The following OPCML variants were observed in gnomAD, a reference collection of about 807,000 sequenced individuals.
OPCML encodes opioid-binding protein/cell adhesion molecule.
Under a neutral mutation model 37.8 loss-of-function variants are expected in OPCML, and 13 were observed. The ratio of observed to expected loss-of-function variants is 0.34; its 90% confidence interval spans 0.22 to 0.55. OPCML has a LOEUF of 0.55. Among genes scored for constraint, OPCML ranks in the 20% least tolerant of loss-of-function variants. OPCML has a pLI of 0.91. For missense variants in OPCML, 341 were observed against 435.6 expected (o/e 0.78, Z 1.93); for synonymous variants, 176 against 168.8 (o/e 1.04, Z -0.33).
At chr11:132,655,324 A>G (rs1326114815) in intron 3 of OPCML, among the ~76,000 whole-genome samples, 1 of 152,222 alleles carries the variant, frequency 6.6e-6, no homozygotes, top group Non-Finnish European at 1.5e-5. Flanking sequence ...GCCCAGGTGC[A>G]GGCAGGTGGG....
In OPCML at chr11:132,832,728, C is replaced by G. The variant is rs148644078; in HGVS notation, c.146+110198G>C. Reference sequence around the variant, plus strand: ...AGATTCCATCTTTTTGTAGGCTCAACAGAGTGTACATACACACACTAAATG... The same window carrying G: ...AGATTCCATCTTTTTGTAGGCTCAAGAGAGTGTACATACACACACTAAATG... On this transcript the variant is annotated intron_variant, in intron 2 of 7. Transcript: ENST00000524381. 4.2e-4 allele frequency among the ~76,000 whole-genome samples: 64 copies of G among 152,290 alleles called. No homozygotes were observed. The East Asian group carries it at 0.012, about 28-fold the overall frequency.
intron 1 of OPCML, among the ~76,000 whole-genome samples, chr11:133,429,443 G>A (rs1380730987): frequency 9.2e-5 from 14 of 152,164 alleles, no homozygotes; most frequent in African/African-American, 1.4e-4. Flanking sequence ...CCATTGGAAG[G>A]CACGGGACAG....
intron 2 of OPCML, among the ~76,000 whole-genome samples, chr11:132,922,655 G>A (rs567034822): frequency 1.3e-5 from 2 of 152,262 alleles, no homozygotes; most frequent in African/African-American, 4.8e-5. Flanking sequence ...TAAACAGCTT[G>A]AGTGGAGTTT....
intron 2 of OPCML, among the ~76,000 whole-genome samples, chr11:132,701,549 AG>A (rs1454759925): frequency 1.3e-5 from 2 of 152,148 alleles, no homozygotes; most frequent in African/African-American, 4.8e-5. Context: ...ATCTAAAGTG[AG>A]GTCCTTGTTG....
In OPCML at chr11:133,078,324, C is replaced by G. The variant is rs193057366; in HGVS notation, c.62-135314G>C. ...CCAACACAGTATCACCTACATTGCTCCATTAAAACAGCTGAACATCTACAC... is the reference window on the plus strand; with the variant it reads ...CCAACACAGTATCACCTACATTGCTGCATTAAAACAGCTGAACATCTACAC... On this transcript the variant is annotated intron_variant, in intron 1 of 7. Transcript: ENST00000524381. 1.1e-4 allele frequency among the ~76,000 whole-genome samples: 17 copies of G among 152,168 alleles called. No homozygotes were observed. The East Asian group carries it at 3.1e-3, about 28-fold the overall frequency.
chr11:133,199,600 G>T (rs1176778629), intron 1 of OPCML, among the ~76,000 whole-genome samples: 1 of 152,018 alleles, frequency 6.6e-6, no homozygotes, highest in Non-Finnish European at 1.5e-5. Context: ...AAGAAGTCTT[G>T]GTTCCACTTG....
intron 1 of OPCML, among the ~76,000 whole-genome samples, chr11:133,323,099 T>G (rs1337538769): frequency 6.6e-6 from 1 of 152,210 alleles, no homozygotes; most frequent in Non-Finnish European, 1.5e-5. Context: ...CCACCACTAG[T>G]ACTCAGGGAT....
intron 1 of OPCML, among the ~76,000 whole-genome samples, chr11:132,981,734 T>TA (rs1447551393): frequency 4.6e-5 from 7 of 152,160 alleles, no homozygotes; most frequent in Non-Finnish European, 1.0e-4. Flanking sequence ...GGGTTAAACG[T>TA]AAAAATCAAT....
chr11:132,765,906 G>A (rs140206280), intron 2 of OPCML, among the ~76,000 whole-genome samples: 24 of 152,216 alleles, frequency 1.6e-4, no homozygotes, highest in African/African-American at 2.6e-4. Flanking sequence ...GCAGAAGTGC[G>A]TCTAAAATGT....
chr11:132,527,616 A>AT (rs1565638644), intron 4 of OPCML, among the ~76,000 whole-genome samples: 1 of 151,960 alleles, frequency 6.6e-6, no homozygotes, highest in East Asian at 1.9e-4. Context: ...CTAGATGTAA[A>AT]TTTTTTGTCA....
intron 1 of OPCML, chr11:133,421,543 G>C (rs1357743251): frequency 1.3e-5 from 13 of 985,312 alleles, no homozygotes; most frequent in Non-Finnish European, 1.4e-5. Flanking sequence ...GCAAACTGTA[G>C]AGTTGGGATT....
chr11:133,092,554 T>G (rs567482631), intron 1 of OPCML, among the ~76,000 whole-genome samples: 1 of 151,868 alleles, frequency 6.6e-6, no homozygotes, highest in Non-Finnish European at 1.5e-5. Flanking sequence ...GTGAAACCCC[T>G]GTCTCTACTA....
chr11:133,485,601 G>A (rs149684931), intron 1 of OPCML, among the ~76,000 whole-genome samples: 1 of 152,110 alleles, frequency 6.6e-6, no homozygotes, highest in Non-Finnish European at 1.5e-5. Flanking sequence ...ACTGAAATAA[G>A]ACCTGCATTA....
chr11:132,885,081 A>T (rs1943359849), intron 2 of OPCML, among the ~76,000 whole-genome samples: 1 of 152,182 alleles, frequency 6.6e-6, no homozygotes, highest in African/African-American at 2.4e-5. Context: ...CCACCATAAC[A>T]ATTAACTTAC....
At chr11:132,455,762 AATTC>A (rs61139767) in intron 4 of OPCML, among the ~76,000 whole-genome samples, 23,103 of 150,474 alleles carry the variant, frequency 0.15, 1,942 homozygotes, top group East Asian at 0.35. Flanking sequence ...TTCTTTGTCA[AATTC>A]ATTCATTCAT....
intron 2 of OPCML, among the ~76,000 whole-genome samples, chr11:132,941,668 C>T (rs1945582314): frequency 6.6e-6 from 1 of 152,170 alleles, no homozygotes; most frequent in Admixed American, 6.5e-5. Context: ...GGAAGGGCCT[C>T]TCTATTCTCC....
At chr11:133,269,406 G>A (rs558832338) in intron 1 of OPCML, among the ~76,000 whole-genome samples, 2 of 152,316 alleles carry the variant, frequency 1.3e-5, no homozygotes, top group South Asian at 4.1e-4. Flanking sequence ...CTTCTTTTCA[G>A]AGGAACATAG....
At chr11:132,689,401 G>A (rs1226323082) in intron 2 of OPCML, among the ~76,000 whole-genome samples, 1 of 152,164 alleles carries the variant, frequency 6.6e-6, no homozygotes, top group Non-Finnish European at 1.5e-5. Context: ...CTGAGGAATA[G>A]GGCAAAGACT....
chr11:133,166,677 GCTC>G (rs1268121560), intron 1 of OPCML, among the ~76,000 whole-genome samples: 1 of 152,212 alleles, frequency 6.6e-6, no homozygotes. Flanking sequence ...GCCGGACCGT[GCTC>G]CTCATCAGAC....
Sources: allele counts gnomAD v4.1 joint callset (sites outside exome capture counted in the v4.1 genomes callset), GRCh38; gene constraint gnomAD v4.1.1; transcripts MANE v1.5; gene names NCBI Gene and HGNC (gene_info 2026-07-23, HGNC 2026-07-21).